The following WASF2 variants were observed in gnomAD, a reference collection of about 807,000 sequenced individuals.
WASF2 encodes actin-binding protein WASF2.
In WASF2, 14 loss-of-function variants were observed where a neutral mutation model predicts 45.0. The ratio of observed to expected loss-of-function variants is 0.31; its 90% CI spans 0.21 to 0.49. The LOEUF is 0.49. Among genes scored for constraint, WASF2 ranks in the 20% least tolerant of loss-of-function variants. The pLI, the probability that WASF2 is intolerant of heterozygous loss-of-function variation, is 0.99. For synonymous variants in WASF2, 200 were observed against 236.3 expected (o/e 0.85, Z 1.41); for missense variants, 439 against 636.1 (o/e 0.69, Z 3.33).
intron 1 of WASF2, among the ~76,000 whole-genome samples, chr1:27,484,255 T>A (rs778377350): frequency 3.9e-5 from 6 of 152,174 alleles, no homozygotes; most frequent in Non-Finnish European, 5.9e-5. Flanking sequence ...ACAGTAGAGA[T>A]GTCCGAGAAA....
rs1217463383 is a variant in WASF2 at position 27,406,123 on chromosome 1, T to G, written c.*2066A>C. 1 of 152,728 alleles carries G rather than the reference T, an allele frequency of 6.5e-6. No individual in the cohort carries two copies. Among genetic ancestry groups the G allele is most frequent in the African/African-American group, 2.4e-5 (1 of 41,448 alleles). 9.5% of individuals were successfully genotyped at this position (152,728 alleles called of 1,614,324 possible). ...CTCCTATTTGGGAGAACCACTGCCC[T>G]CTGCCTGCCTCTCCAACTACTGCTG... is the stretch of plus-strand genomic sequence containing the variant. On this transcript the variant is annotated 3_prime_UTR_variant, in exon 9 of 9. Transcript: ENST00000618852.
chr1:27,478,594 T>C (rs2017803041), intron 1 of WASF2, among the ~76,000 whole-genome samples: 1 of 152,178 alleles, frequency 6.6e-6, no homozygotes, highest in African/African-American at 2.4e-5. Flanking sequence ...TCTTTTTCCT[T>C]TTTTTGAGAT....
intron 1 of WASF2, among the ~76,000 whole-genome samples, chr1:27,483,567 G>C (rs1374149760): frequency 6.6e-6 from 1 of 152,066 alleles, no homozygotes; most frequent in Non-Finnish European, 1.5e-5. Flanking sequence ...TTGAACCCAG[G>C]AGGCAGAGGT....
rs2018012700 is a variant in WASF2 at position 27,490,067 on chromosome 1, G to GCCTCGCGGGCTGCCAAACGGCCGGACCC, written c.-153_-126dup. 1.3e-5 allele frequency: 2 copies of GCCTCGCGGGCTGCCAAACGGCCGGACCC among 152,226 alleles called. No homozygotes were observed. Among genetic ancestry groups the GCCTCGCGGGCTGCCAAACGGCCGGACCC allele is most frequent in the African/African-American group, 4.8e-5 (2 of 41,456 alleles). The allele number at this position is 152,226 out of a possible 1,614,324, so 9.4% of individuals were successfully genotyped here. A position where few individuals can be genotyped will look rare whatever the true frequency, so the allele number is the denominator to read the frequency against. ...CGCACAGAGTGTGCTCCCGCGGACC[G>GCCTCGCGGGCTGCCAAACGGCCGGACCC]CCTCGCGGGCTGCCAAACGGCCGGA... On this transcript the variant is annotated 5_prime_UTR_variant, in exon 1 of 9. Coordinates refer to ENST00000618852, the MANE Select transcript of WASF2 (RefSeq NM_006990.5).
intron 1 of WASF2, among the ~76,000 whole-genome samples, chr1:27,432,521 G>A (rs1421137913): frequency 4.0e-5 from 6 of 151,374 alleles, no homozygotes; most frequent in African/African-American, 1.5e-4. Context: ...GGTGGCAGGC[G>A]CCTGTAGTCC....
rs142884692 is a variant in WASF2, at chr1:27,413,307, A to G, written c.669-580T>C. 4.4e-3 allele frequency among the ~76,000 whole-genome samples: 671 copies of G among 152,326 alleles called. 5 individuals carry two copies. The highest frequency in any genetic ancestry group is 0.016 in the African/African-American group (645 of 41,562). Reference sequence around the variant, plus strand: ...GAGCTGACGATTAAAGTAGCGTGCTAGGGCTTGTCTCATGAAAACCTGTCC... The same window carrying G: ...GAGCTGACGATTAAAGTAGCGTGCTGGGGCTTGTCTCATGAAAACCTGTCC... On this transcript the variant is annotated intron_variant, in intron 6 of 8. Transcript: ENST00000618852.
At chr1:27,430,339 C>T (rs1003092621) in intron 1 of WASF2, among the ~76,000 whole-genome samples, 1 of 152,016 alleles carries the variant, frequency 6.6e-6, no homozygotes, top group African/African-American at 2.4e-5. Context: ...GTTAACATAC[C>T]TAAGTCCTCA....
At chr1:27,467,257 A>C (rs2148135022) in intron 1 of WASF2, among the ~76,000 whole-genome samples, 2 of 150,090 alleles carry the variant, frequency 1.3e-5, no homozygotes, top group South Asian at 2.1e-4. Flanking sequence ...CACACACACA[A>C]AGAAAAAAAT....
At chr1:27,457,248 A>G (rs2017481920) in intron 1 of WASF2, 1 of 152,084 alleles carries the variant, frequency 6.6e-6, no homozygotes, top group Non-Finnish European at 1.5e-5. Context: ...ATTTTTATGT[A>G]AGTCCTCAAA....
chr1:27,459,869 A>G (rs1014050360), intron 1 of WASF2, among the ~76,000 whole-genome samples: 7 of 152,270 alleles, frequency 4.6e-5, no homozygotes, highest in Non-Finnish European at 8.8e-5. Context: ...AATCCACAAT[A>G]GATTCTATTA....
chr1:27,461,400 C>T (rs936299343), intron 1 of WASF2, among the ~76,000 whole-genome samples: 3 of 150,994 alleles, frequency 2.0e-5, no homozygotes, highest in African/African-American at 4.9e-5. Context: ...AGTGCAGTGG[C>T]GCTACCATGA....
At chr1:27,487,262 G>A (rs988259265) in intron 1 of WASF2, among the ~76,000 whole-genome samples, 2 of 145,136 alleles carry the variant, frequency 1.4e-5, no homozygotes, top group Non-Finnish European at 3.0e-5. Context: ...CACCACGCCC[G>A]GCTACTTTTT....
chr1:27,420,112 C>T (rs1416924212), intron 2 of WASF2, among the ~76,000 whole-genome samples: 1 of 152,056 alleles, frequency 6.6e-6, no homozygotes, highest in Non-Finnish European at 1.5e-5. Flanking sequence ...GCCAGGTTGC[C>T]CAGGCTGGTC....
At chr1:27,413,508 C>A (rs2016792022) in intron 6 of WASF2, among the ~76,000 whole-genome samples, 1 of 152,060 alleles carries the variant, frequency 6.6e-6, no homozygotes. Flanking sequence ...TCAGGGAGAA[C>A]AGAGTTGGAG....
At chr1:27,454,181 A>ATTT (rs2017432457) in intron 1 of WASF2, among the ~76,000 whole-genome samples, 8 of 9,760 alleles carry the variant, frequency 8.2e-4, no homozygotes, top group South Asian at 7.0e-3. Context: ...ATATATATAT[A>ATTT]TATATATTTT....
chr1:27,455,871 T>C (rs1427320894), intron 1 of WASF2, among the ~76,000 whole-genome samples: 1 of 152,160 alleles, frequency 6.6e-6, no homozygotes, highest in African/African-American at 2.4e-5. Flanking sequence ...CATATTACAG[T>C]TGGAACACGA....
At chr1:27,413,566 C>T (rs2016792710) in intron 6 of WASF2, among the ~76,000 whole-genome samples, 1 of 152,142 alleles carries the variant, frequency 6.6e-6, no homozygotes, top group Admixed American at 6.5e-5. Context: ...ATCCCCAAGG[C>T]CTGGAGCCCT....
At chr1:27,426,391 A>G (rs2016981944) in intron 2 of WASF2, among the ~76,000 whole-genome samples, 1 of 152,204 alleles carries the variant, frequency 6.6e-6, no homozygotes, top group African/African-American at 2.4e-5. Flanking sequence ...ATGAAGTCTA[A>G]ACCAGGGCAA....
At chr1:27,429,043 C>A in intron 1 of WASF2, 110 bp from the exon 2 acceptor site, 2 of 937,074 alleles carry the variant, frequency 2.1e-6, no homozygotes, top group Non-Finnish European at 1.5e-6. Flanking sequence ...TCTAAAACAG[C>A]TTTAAAAAAA....
Sources: gnomAD v4.1 joint callset for allele counts (sites outside exome capture counted in the v4.1 genomes callset) on GRCh38, gnomAD v4.1.1 for gene constraint, MANE v1.5 for transcripts, NCBI Gene and HGNC (gene_info 2026-07-23, HGNC 2026-07-21) for gene names.